FMN1: variants seen among roughly 807,000 people sequenced by gnomAD.
FMN1 encodes formin 1.
A neutral mutation model predicts 132.4 loss-of-function variants in FMN1; 110 were observed. That is an observed-to-expected ratio of 0.83 (90% CI 0.71 to 0.97). The LOEUF (loss-of-function observed/expected upper bound fraction) is 0.97, where lower values mean the gene tolerates loss of function less well. Ranked by LOEUF, FMN1 falls within the 50% of genes least tolerant of loss-of-function variation. The pLI, the probability that FMN1 is intolerant of heterozygous loss-of-function variation, is 0.00. For missense variants in FMN1, 1,792 were observed against 1,705.3 expected, an observed-to-expected ratio of 1.05 and a Z score of -0.90; for synonymous variants, 722 against 651.7, an observed-to-expected ratio of 1.11 and a Z score of -1.64.
chr15:32,919,596 A>G (rs72719319), intron 10 of FMN1, among the ~76,000 whole-genome samples: 52 of 152,316 alleles, frequency 3.4e-4, no homozygotes, highest in Middle Eastern at 3.4e-3. Flanking sequence ...TATAACATGC[A>G]TATTAGTTAT....
chr15:32,785,216 A>ATTTTTTTTTTTTT (rs1281698107), intron 19 of FMN1, among the ~76,000 whole-genome samples: 3 of 20,114 alleles, frequency 1.5e-4, no homozygotes, highest in African/African-American at 4.1e-4. Flanking sequence ...ATATATATAT[A>ATTTTTTTTTTTTT]TATTTTTTTT....
intron 10 of FMN1, among the ~76,000 whole-genome samples, chr15:32,910,937 A>G (rs28740941): frequency 0.025 from 3,795 of 152,338 alleles, 66 homozygotes; most frequent in Non-Finnish European, 0.034. Flanking sequence ...CCAGAAAGAA[A>G]GAGAGAAAAA....
At chr15:33,067,264 T>C (rs768958446) in intron 5 of FMN1, 4 of 1,613,438 alleles carry the variant, frequency 2.5e-6, no homozygotes, top group Admixed American at 3.3e-5. Flanking sequence ...GTGGAATCCT[T>C]TGAGGATCTT....
At chr15:32,831,124 T>C (rs2058490348) in intron 17 of FMN1, among the ~76,000 whole-genome samples, 1 of 152,184 alleles carries the variant, frequency 6.6e-6, no homozygotes, top group African/African-American at 2.4e-5. Context: ...ATAATAATAG[T>C]GCTTTCCTCA....
intron 5 of FMN1, among the ~76,000 whole-genome samples, chr15:33,087,072 A>G (rs897534710): frequency 1.3e-5 from 2 of 152,190 alleles, no homozygotes; most frequent in African/African-American, 4.8e-5. Flanking sequence ...TGCTCCTTAG[A>G]TTTGTGGTGC....
At chr15:32,972,121 C>G (rs988715177) in intron 7 of FMN1, among the ~76,000 whole-genome samples, 2 of 152,182 alleles carry the variant, frequency 1.3e-5, no homozygotes. Context: ...AAAGAAAATA[C>G]AGAAGAGTGT....
chr15:33,153,738 C>T lies in FMN1; in HGVS notation c.1177G>A (p.Asp393Asn). ...CCGGCTGGCGACTGCGATGACCTAT[C>T]CCCTTGCCGCTCCTTGCCCTGCCGC... Reference protein sequence around the residue: ...SRRQGKERQGDRSSQSPAGET... With the variant: ...SRRQGKERQGNRSSQSPAGET... The change falls in exon 4 of 21, where the codon GAT (aspartate) becomes AAT (asparagine). Residue 393 changes from aspartate (D) to asparagine (N), a missense_variant. Transcript: ENST00000616417. 6.5e-7 allele frequency: 1 copy of T among 1,536,266 alleles called. No individual in the cohort carries two copies. The highest frequency in any genetic ancestry group is 8.7e-7 in the Non-Finnish European group (1 of 1,146,942).
At chr15:32,868,703 C>G (rs1402575627) in intron 16 of FMN1, among the ~76,000 whole-genome samples, 1 of 152,072 alleles carries the variant, frequency 6.6e-6, no homozygotes, top group Non-Finnish European at 1.5e-5. Context: ...CACTCATTCA[C>G]CCACTTTCAC....
intron 4 of FMN1, among the ~76,000 whole-genome samples, chr15:33,098,129 G>A: frequency 6.6e-6 from 1 of 152,110 alleles, no homozygotes; most frequent in Non-Finnish European, 1.5e-5. Flanking sequence ...TTGGAAATGA[G>A]ACCATACACT....
At chr15:32,788,832 T>C (rs1332412895) in intron 19 of FMN1, among the ~76,000 whole-genome samples, 1 of 152,238 alleles carries the variant, frequency 6.6e-6, no homozygotes, top group Admixed American at 6.5e-5. Context: ...CTTCTTTTTT[T>C]CTAAACAAAC....
At chr15:33,084,944 T>C (rs2038630445) in intron 5 of FMN1, among the ~76,000 whole-genome samples, 1 of 152,182 alleles carries the variant, frequency 6.6e-6, no homozygotes, top group African/African-American at 2.4e-5. Flanking sequence ...AAAGTTAACA[T>C]CCTGATTGTG....
chr15:33,132,792 T>A (rs1291450631), intron 4 of FMN1, among the ~76,000 whole-genome samples: 2 of 152,166 alleles, frequency 1.3e-5, no homozygotes, highest in African/African-American at 4.8e-5. Flanking sequence ...CATCACTGTC[T>A]CTAGCTCCTC....
chr15:32,971,424 C>T (rs929988558), intron 7 of FMN1, among the ~76,000 whole-genome samples: 10 of 152,222 alleles, frequency 6.6e-5, no homozygotes, highest in Admixed American at 5.2e-4. Context: ...GTGAGTTCTA[C>T]TACCGATTAC....
At chr15:32,907,287 G>A (rs1258470406) in intron 12 of FMN1, among the ~76,000 whole-genome samples, 2 of 152,054 alleles carry the variant, frequency 1.3e-5, no homozygotes, top group Non-Finnish European at 2.9e-5. Context: ...CTAGCTTCCT[G>A]CAACTAGATG....
At chr15:33,176,675 A>G (rs1253339297) in intron 3 of FMN1, among the ~76,000 whole-genome samples, 1 of 152,084 alleles carries the variant, frequency 6.6e-6, no homozygotes, top group African/African-American at 2.4e-5. Flanking sequence ...CCCTATAAAA[A>G]TTCACTCAAT....
chr15:33,073,054 A>G (rs1465743243), intron 5 of FMN1, among the ~76,000 whole-genome samples: 1 of 152,214 alleles, frequency 6.6e-6, no homozygotes, highest in Admixed American at 6.5e-5. Flanking sequence ...TCCTAATATT[A>G]GGAGATCAGC....
intron 7 of FMN1, among the ~76,000 whole-genome samples, chr15:32,984,121 CA>C (rs1022078498): frequency 2.0e-5 from 3 of 151,926 alleles, no homozygotes; most frequent in East Asian, 1.9e-4. Context: ...TGCTTCCAAA[CA>C]AAAAAAGTTT....
chr15:32,980,096 G>T (rs2032532733), intron 7 of FMN1, among the ~76,000 whole-genome samples: 1 of 152,096 alleles, frequency 6.6e-6, no homozygotes, highest in Non-Finnish European at 1.5e-5. Flanking sequence ...TATGATTTGG[G>T]TTCTGGCTTA....
At position 32,769,912 on chromosome 15, in the gene FMN1, T is replaced by C. The variant is rs543916043; in HGVS notation, c.*4398A>G. The C allele has an allele frequency of 6.8e-6, 1 of 146,760 alleles. No homozygotes were observed. Among genetic ancestry groups the C allele is most frequent in the East Asian group, 1.9e-4 (1 of 5,188 alleles). 9.1% of individuals were successfully genotyped at this position (146,760 alleles called of 1,614,324 possible). A position where few individuals can be genotyped will look rare whatever the true frequency, so the allele number is the denominator to read the frequency against. ...TTCTTTCCTCTCCACTTTTTGGCCA[T>C]TTTTGTTTTTATTAGGACAGACAGG... On this transcript the variant is annotated 3_prime_UTR_variant, in exon 21 of 21. Transcript: ENST00000616417.
Sources: allele counts gnomAD v4.1 joint callset (sites outside exome capture counted in the v4.1 genomes callset), GRCh38; gene constraint gnomAD v4.1.1; transcripts MANE v1.5; gene names NCBI Gene and HGNC (gene_info 2026-07-23, HGNC 2026-07-21).